RASAL2: variants seen among roughly 807,000 people sequenced by gnomAD.
RASAL2 encodes the protein RAS protein activator like 2, also known as ras GTPase-activating protein nGAP.
Under a neutral mutation model 128.9 loss-of-function variants are expected in RASAL2, and 58 were observed. The observed-to-expected ratio is 0.45, with a 90% CI of 0.36 to 0.56. The LOEUF is 0.56. Among genes scored for constraint, RASAL2 ranks in the 20% least tolerant of loss-of-function variants. RASAL2 has a pLI of 0.00. For missense variants in RASAL2, 1,360 were observed against 1,601.6 expected, an observed-to-expected ratio of 0.85 and a Z score of 2.57; for synonymous variants, 561 against 580.8, an observed-to-expected ratio of 0.97 and a Z score of 0.49.
chr1:178,267,041 A>G (rs12032786), intron 1 of RASAL2, among the ~76,000 whole-genome samples: 40,998 of 151,942 alleles, frequency 0.27, 6,451 homozygotes, highest in African/African-American at 0.44. Context: ...AATGTTTCTG[A>G]AGCTGCTTCG....
At chr1:178,297,214 G>A (rs2102260427) in intron 2 of RASAL2, among the ~76,000 whole-genome samples, 1 of 152,156 alleles carries the variant, frequency 6.6e-6, no homozygotes, top group East Asian at 1.9e-4. Context: ...TATATGCTAA[G>A]ATTTGTATAT....
intron 3 of RASAL2, among the ~76,000 whole-genome samples, chr1:178,369,111 A>G (rs1319275828): frequency 2.0e-5 from 3 of 152,150 alleles, no homozygotes; most frequent in African/African-American, 7.2e-5. Flanking sequence ...TGCCTTATAC[A>G]TCATATTATG....
chr1:178,119,857 T>C (rs540277132), intron 1 of RASAL2, among the ~76,000 whole-genome samples: 2 of 152,306 alleles, frequency 1.3e-5, no homozygotes, highest in African/African-American at 4.8e-5. Context: ...CATCTAGTTA[T>C]GGTGCTAGCC....
At chr1:178,208,955 C>G (rs1029744904) in intron 1 of RASAL2, among the ~76,000 whole-genome samples, 1 of 152,004 alleles carries the variant, frequency 6.6e-6, no homozygotes, top group African/African-American at 2.4e-5. Context: ...GGGGCAGGTT[C>G]CTCTGATAAA....
intron 11 of RASAL2, 33 bp from the exon 12 acceptor site, chr1:178,454,414 T>C (rs1439568893): frequency 1.3e-6 from 2 of 1,506,784 alleles, no homozygotes; most frequent in South Asian, 2.3e-5. Flanking sequence ...CTCTTGAATA[T>C]GTTCTTTCTC....
At chr1:178,325,806 A>T (rs1287784236) in intron 3 of RASAL2, among the ~76,000 whole-genome samples, 2 of 152,212 alleles carry the variant, frequency 1.3e-5, no homozygotes, top group Non-Finnish European at 2.9e-5. Context: ...ACTGCAGTTG[A>T]TAAGTTAAAA....
chr1:178,390,054 A>C, intron 3 of RASAL2, 46 bp from the exon 4 acceptor site: 1 of 1,302,564 alleles, frequency 7.7e-7, no homozygotes, highest in Non-Finnish European at 1.1e-6. Context: ...GAAGATCCTA[A>C]ATTTGGGGTT....
chr1:178,472,956 G>A (rs1014592967), intron 17 of RASAL2, 119 bp from the exon 18 acceptor site: 6 of 1,180,504 alleles, frequency 5.1e-6, no homozygotes, highest in Non-Finnish European at 6.0e-6. Flanking sequence ...CGTTCCATTT[G>A]TCTGGGAAGC....
chr1:178,304,542 A>G (rs1667907348), intron 3 of RASAL2, among the ~76,000 whole-genome samples: 1 of 152,016 alleles, frequency 6.6e-6, no homozygotes, highest in Non-Finnish European at 1.5e-5. Context: ...ACAAAACAAA[A>G]ACCACACATT....
chr1:178,170,247 T>C (rs1444571057), intron 1 of RASAL2, among the ~76,000 whole-genome samples: 1 of 151,904 alleles, frequency 6.6e-6, no homozygotes, highest in Non-Finnish European at 1.5e-5. Context: ...AAGTTTCCTC[T>C]CCCTATTTTA....
chr1:178,467,288 G>C, intron 16 of RASAL2, 46 bp from the exon 17 acceptor site: 1 of 1,481,400 alleles, frequency 6.8e-7, no homozygotes, highest in Non-Finnish European at 9.4e-7. Flanking sequence ...ACACTAGCTA[G>C]CCCTTTCTTT....
intron 3 of RASAL2, among the ~76,000 whole-genome samples, chr1:178,376,822 T>C (rs974976915): frequency 2.0e-5 from 3 of 152,140 alleles, no homozygotes; most frequent in Middle Eastern, 6.3e-3. Context: ...GAATGAATGA[T>C]ATCCAGATAC....
At chr1:178,464,507 A>G in intron 15 of RASAL2, 95 bp downstream of exon 15, 1 of 1,406,876 alleles carries the variant, frequency 7.1e-7, no homozygotes, top group East Asian at 2.3e-5. Context: ...TCCCACCCCC[A>G]TCTTCACCTC....
chr1:178,137,783 ATTTG>A (rs1660380049), intron 1 of RASAL2, among the ~76,000 whole-genome samples: 1 of 152,200 alleles, frequency 6.6e-6, no homozygotes, highest in South Asian at 2.1e-4. Context: ...TTGTGAAATG[ATTTG>A]TTTGTGGCCA....
chr1:178,377,606 C>T (rs1234280786), intron 3 of RASAL2, among the ~76,000 whole-genome samples: 2 of 152,096 alleles, frequency 1.3e-5, no homozygotes, highest in Non-Finnish European at 2.9e-5. Context: ...GAATGAGTTA[C>T]ACCTTCAGTG....
intron 1 of RASAL2, among the ~76,000 whole-genome samples, chr1:178,280,382 T>A (rs1365889582): frequency 6.6e-6 from 1 of 152,062 alleles, no homozygotes; most frequent in Non-Finnish European, 1.5e-5. Context: ...TTACATTTCA[T>A]TAAAAATGTG....
chr1:178,349,510 A>C (rs2102432296), intron 3 of RASAL2, among the ~76,000 whole-genome samples: 1 of 152,214 alleles, frequency 6.6e-6, no homozygotes, highest in African/African-American at 2.4e-5. Flanking sequence ...TGAGGAAAGC[A>C]TTTGGGAAAC....
chr1:178,097,377 G>A (rs1658732144), intron 1 of RASAL2, among the ~76,000 whole-genome samples: 1 of 152,120 alleles, frequency 6.6e-6, no homozygotes, highest in South Asian at 2.1e-4. Flanking sequence ...TCTTTATCCT[G>A]GCTCTTGGGG....
At chr1:178,296,668 A>ATTTT (rs1160539560) in intron 2 of RASAL2, among the ~76,000 whole-genome samples, 1 of 113,730 alleles carries the variant, frequency 8.8e-6, no homozygotes. Flanking sequence ...CCTGGCCTTG[A>ATTTT]TTTTTTTTTT....
Sources: allele counts gnomAD v4.1 joint callset (sites outside exome capture counted in the v4.1 genomes callset), GRCh38; gene constraint gnomAD v4.1.1; transcripts MANE v1.5; gene names NCBI Gene and HGNC (gene_info 2026-07-23, HGNC 2026-07-21).